ZNF362: variants seen among roughly 807,000 people sequenced by gnomAD.
The protein encoded by ZNF362 is rotund homolog.
Under a neutral mutation model 42.9 loss-of-function variants are expected in ZNF362, and 11 were observed. That is an observed-to-expected ratio of 0.26 (90% CI 0.16 to 0.42). The LOEUF (loss-of-function observed/expected upper bound fraction) is 0.42. Among genes scored for constraint, ZNF362 ranks in the 20% least tolerant of loss-of-function variants. The pLI is 1.00. For synonymous variants in ZNF362, 255 were observed against 257.3 expected (o/e 0.99, Z 0.09); for missense variants, 362 against 576.2 (o/e 0.63, Z 3.81).
chr1:33,183,080 A>G, the ZNF362 span, among the ~76,000 whole-genome samples: 1 of 152,184 alleles, frequency 6.6e-6, no homozygotes, highest in African/African-American at 2.4e-5. Context: ...GAGGAAGGAA[A>G]GACTGGGCAC....
At chr1:33,185,260 TGCC>T in the ZNF362 span, among the ~76,000 whole-genome samples, 68 of 152,048 alleles carry the variant, frequency 4.5e-4, 1 homozygote, top group African/African-American at 1.5e-3. Context: ...CTTGCTCTGT[TGCC>T]CAGGCTGGAG....
At chr1:33,248,922 A>G in the ZNF362 span, among the ~76,000 whole-genome samples, 1 of 152,212 alleles carries the variant, frequency 6.6e-6, no homozygotes, top group African/African-American at 2.4e-5. Context: ...TAATGCTCAA[A>G]TATTTCAACC....
At chr1:33,128,580 C>T in the ZNF362 span, among the ~76,000 whole-genome samples, 1 of 152,134 alleles carries the variant, frequency 6.6e-6, no homozygotes, top group Non-Finnish European at 1.5e-5. Context: ...ACTATACCTG[C>T]CCCACCCTCT....
At chr1:33,298,717 AG>A (rs1392052145) in intron 8 of ZNF362, among the ~76,000 whole-genome samples, 2 of 152,156 alleles carry the variant, frequency 1.3e-5, no homozygotes, top group Non-Finnish European at 2.9e-5. Context: ...GGCATTGCTG[AG>A]GGGTGAGCTC....
the ZNF362 span, among the ~76,000 whole-genome samples, chr1:33,167,465 T>C: frequency 3.9e-5 from 6 of 152,282 alleles, no homozygotes; most frequent in Non-Finnish European, 7.4e-5. This position sits in a 1 kb window ranked among gnomAD's most constrained non-coding sequence, Gnocchi z 4.2. Flanking sequence ...ATCTAGCCCA[T>C]TGTATTATCG....
At chr1:33,189,578 A>G in the ZNF362 span, among the ~76,000 whole-genome samples, 1 of 145,792 alleles carries the variant, frequency 6.9e-6, no homozygotes, top group African/African-American at 2.5e-5. Flanking sequence ...CCGCAACCAC[A>G]CTTCTGTATC....
At chr1:33,286,273 G>C (rs1041114661) in intron 6 of ZNF362, among the ~76,000 whole-genome samples, 1 of 152,004 alleles carries the variant, frequency 6.6e-6, no homozygotes, top group Non-Finnish European at 1.5e-5. Context: ...ACAGCACAAA[G>C]TTGACAGAAC....
At chr1:33,213,050 A>G in the ZNF362 span, among the ~76,000 whole-genome samples, 1 of 152,258 alleles carries the variant, frequency 6.6e-6, no homozygotes, top group Non-Finnish European at 1.5e-5. Flanking sequence ...TTATATGTGC[A>G]ATAGCATGGC....
chr1:33,132,789 A>G, the ZNF362 span, among the ~76,000 whole-genome samples: 1 of 152,314 alleles, frequency 6.6e-6, no homozygotes, highest in African/African-American at 2.4e-5. Flanking sequence ...GAAACCATGA[A>G]CCTTGTGGTT....
chr1:33,195,399 GTTA>G, the ZNF362 span: 2 of 152,150 alleles, frequency 1.3e-5, no homozygotes. Context: ...GGACAAAACA[GTTA>G]TTATTGATAA....
rs533485705 is a variant in ZNF362 at position 33,274,896 on chromosome 1, TCA to T, written c.39-1201_39-1200del. On this transcript the variant is annotated intron_variant, in intron 2 of 8. Transcript: ENST00000539719. The stretch of plus-strand genomic sequence containing the variant: ...TCTTGTGCCTACTTTCAAGTAAAGA[TCA>T]CAAGAGATAATTCATCTAAAATTTC... 37 of 945,198 alleles carry T rather than the reference TCA, an allele frequency of 3.9e-5. No homozygotes were observed. In the East Asian group the frequency reaches 3.9e-3, roughly 101 times the overall value. 58.6% of individuals were successfully genotyped at this position (945,198 alleles called of 1,614,324 possible).
chr1:33,280,022 G>A lies in ZNF362; in HGVS notation c.350-102G>A. 2.2e-6 allele frequency: 3 copies of A among 1,388,100 alleles called. No individual in the cohort carries two copies. The highest frequency in any genetic ancestry group is 3.9e-4 in the Middle Eastern group (2 of 5,072). 86.0% of individuals were successfully genotyped at this position (1,388,100 alleles called of 1,614,324 possible). On this transcript the variant is annotated intron_variant, in intron 4 of 8. Coordinates refer to ENST00000539719, the MANE Select transcript of ZNF362 (RefSeq NM_152493.3). This position sits in a 1 kb window ranked among gnomAD's most constrained non-coding sequence, Gnocchi z 5.6. ...TACCCCTGGGTAATAACTTATGAACGTTAAGGGGATGCTCGCCTGCCAAAA... is the reference window on the plus strand; with the variant it reads ...TACCCCTGGGTAATAACTTATGAACATTAAGGGGATGCTCGCCTGCCAAAA...
In ZNF362 at chr1:33,276,559, C is replaced by T; in HGVS notation, c.314C>T (p.Ala105Val). 8 of 1,420,922 alleles carry T rather than the reference C, an allele frequency of 5.6e-6. No homozygotes were observed. Among genetic ancestry groups the T allele is most frequent in the Non-Finnish European group, 4.6e-6 (5 of 1,094,022 alleles). 88.0% of individuals were successfully genotyped at this position (1,420,922 alleles called of 1,614,324 possible). ...HPQAVPQPDVALHARPATSTV... is the reference protein window; with the variant it reads ...HPQAVPQPDVVLHARPATSTV... ...CAGGCGGTGCCGCAGCCCGACGTGG[C>T]GCTGCACGCACGGCCGGCCACCAGC... The change falls in exon 4 of 9, where the codon GCG becomes GTG. Residue 105 changes from alanine to valine, a missense_variant. This residue lies in a region of ZNF362 where 266 missense variants were observed against 365.4 expected (regional missense o/e 0.73). Transcript: ENST00000539719.
upstream of ZNF362, among the ~76,000 whole-genome samples, chr1:33,253,516 C>T (rs947634265): frequency 3.9e-5 from 6 of 152,032 alleles, no homozygotes; most frequent in African/African-American, 1.4e-4. Context: ...TAGATGGCAG[C>T]TCACTTTGGC....
chr1:33,237,083 C>T, the ZNF362 span, among the ~76,000 whole-genome samples: 1 of 152,036 alleles, frequency 6.6e-6, no homozygotes, highest in Admixed American at 6.6e-5. Flanking sequence ...AAAAACTCCA[C>T]AGAACAAAAC....
the ZNF362 span, among the ~76,000 whole-genome samples, chr1:33,132,251 A>G: frequency 6.6e-6 from 1 of 152,232 alleles, no homozygotes; most frequent in African/African-American, 2.4e-5. Context: ...TGAGCTCTCC[A>G]GTCTCTAGGG....
chr1:33,230,617 C>T, the ZNF362 span, among the ~76,000 whole-genome samples: 2 of 152,254 alleles, frequency 1.3e-5, no homozygotes, highest in South Asian at 2.1e-4. Context: ...GTTTTCATAA[C>T]CTGATCTGTG....
the ZNF362 span, chr1:33,158,244 A>G: frequency 9.9e-6 from 16 of 1,612,972 alleles, no homozygotes; most frequent in African/African-American, 1.3e-5. Flanking sequence ...ATGATAACCC[A>G]TGCCTTACCT....
chr1:33,270,654 G>A, intron 2 of ZNF362, 42 bp downstream of exon 2: 1 of 1,604,304 alleles, frequency 6.2e-7, no homozygotes, highest in South Asian at 1.1e-5. Context: ...GTCAATGAGG[G>A]TTTGTTCTTT....
Sources: allele counts gnomAD v4.1 joint callset (sites outside exome capture counted in the v4.1 genomes callset), GRCh38; gene constraint gnomAD v4.1.1; regional missense constraint gnomAD v4.1.1; non-coding constraint Gnocchi (gnomAD v3.1); transcripts MANE v1.5; gene names NCBI Gene and HGNC (gene_info 2026-07-23, HGNC 2026-07-21).